The following SFPQ variants were observed in gnomAD, a reference collection of about 807,000 sequenced individuals.
The protein encoded by SFPQ is splicing factor proline and glutamine rich.
A neutral mutation model predicts 72.9 loss-of-function variants in SFPQ; 11 were observed. The observed-to-expected ratio is 0.15, with a 90% CI of 0.09 to 0.25. The LOEUF is 0.25. SFPQ is among the 10% of genes least tolerant of loss of function. SFPQ has a pLI of 1.00. For missense variants in SFPQ, 847 were observed against 993.3 expected (o/e 0.85, Z 1.98); for synonymous variants, 506 against 367.3 (o/e 1.38, Z -4.32).
chr1:35,192,097 G>A, intron 1 of SFPQ, 125 bp downstream of exon 1: 1 of 767,924 alleles, frequency 1.3e-6, no homozygotes, highest in Non-Finnish European at 1.8e-6. Context: ...CCCCGCCCCC[G>A]CAGCGGCGCG....
downstream of SFPQ, chr1:35,182,318 C>T: frequency 1.0e-6 from 1 of 985,306 alleles, no homozygotes; most frequent in Non-Finnish European, 1.2e-6. Flanking sequence ...TACAGAAAAT[C>T]TCTTATGTAT....
chr1:35,186,014 A>C (rs1470208974), intron 9 of SFPQ, among the ~76,000 whole-genome samples: 3 of 152,250 alleles, frequency 2.0e-5, no homozygotes, highest in East Asian at 3.8e-4. Flanking sequence ...AAATCTAAAG[A>C]AAGCCCATAG....
Position 35,192,228 on chromosome 1 carries a change from G to A in SFPQ, c.822C>T (p.Asp274=). 6.9e-7 allele frequency: 1 copy of A among 1,459,680 alleles called. No individual in the cohort carries two copies. Among genetic ancestry groups the A allele is most frequent in the South Asian group, 1.3e-5 (1 of 76,588 alleles). 90.4% of individuals were successfully genotyped at this position (1,459,680 alleles called of 1,614,324 possible). Residue 274 remains aspartate, a synonymous_variant, in exon 1 of 10, where the codon GAC becomes GAT. Transcript: ENST00000357214. ...PGGRSEEKIS[D]SEGFKANLSL... The stretch of plus-strand genomic sequence containing the variant: ...CGCTCCCATAGACACTCACCTCCGA[G>A]TCCGAGATCTTCTCCTCGCTGCGGC...
At chr1:35,179,042 CCT>C, downstream of SFPQ, 3 of 1,058,898 alleles carry the variant, frequency 2.8e-6, no homozygotes, top group East Asian at 1.6e-4. Context: ...GCAGTCAAAT[CCT>C]CTGAATTCTT....
Position 35,189,039 on chromosome 1 carries a change from T to C in SFPQ, c.1661A>G (p.Asn554Ser), listed in dbSNP as rs543947130. Residue 554 changes from asparagine (N) to serine (S), a missense_variant, in exon 6 of 10, where the codon AAT becomes AGT. Coordinates refer to ENST00000357214, the MANE Select transcript of SFPQ (RefSeq NM_005066.3). ...EELRRMEELH[N>S]QEMQKRKEMQ... Reference sequence around the variant, plus strand: ...TTCTTTACGTTTCTGCATTTCTTGATTGTGAAGTTCTTCCATGCGTCTTAA... The same window carrying C: ...TTCTTTACGTTTCTGCATTTCTTGACTGTGAAGTTCTTCCATGCGTCTTAA... The C allele has an allele frequency of 6.2e-6, 10 of 1,612,722 alleles. No individual in the cohort carries two copies. The South Asian group carries it at 8.8e-5, about 14-fold the overall frequency.
chr1:35,179,921 CA>C (rs1639397318), downstream of SFPQ: 4 of 1,054,848 alleles, frequency 3.8e-6, no homozygotes, highest in African/African-American at 6.6e-5. Flanking sequence ...TAGTGATACT[CA>C]TGTCACTAAT....
At chr1:35,180,288 A>G, downstream of SFPQ, 6 of 1,047,972 alleles carry the variant, frequency 5.7e-6, no homozygotes, top group Non-Finnish European at 6.9e-6. Flanking sequence ...GTTGATGCAA[A>G]GTCCTAAGCA....
chr1:35,188,453 T>C (rs1241134534), intron 6 of SFPQ, among the ~76,000 whole-genome samples: 1 of 152,134 alleles, frequency 6.6e-6, no homozygotes, highest in African/African-American at 2.4e-5. Flanking sequence ...ATCTCAGTAC[T>C]TTAGGAGGCC....
chr1:35,193,083 A>C lies in SFPQ; in HGVS notation c.-34T>G. On this transcript the variant is annotated 5_prime_UTR_variant, in exon 1 of 10. Coordinates refer to ENST00000357214, the MANE Select transcript of SFPQ (RefSeq NM_005066.3). Reference sequence around the variant, plus strand: ...TCAAGGGGCGGTCGAGGCAAAAGCGAAGAAGACGCTCAGGAAACGTGGAGG... The same window carrying C: ...TCAAGGGGCGGTCGAGGCAAAAGCGCAGAAGACGCTCAGGAAACGTGGAGG... The C allele has an allele frequency of 6.6e-7, 1 of 1,515,898 alleles. No individual in the cohort carries two copies. The highest frequency in any genetic ancestry group is 8.7e-7 in the Non-Finnish European group (1 of 1,142,972). 93.9% of individuals were successfully genotyped at this position (1,515,898 alleles called of 1,614,324 possible).
At chr1:35,191,635 G>A (rs1640001568) in intron 1 of SFPQ, 106 bp from the exon 2 acceptor site, 2 of 830,922 alleles carry the variant, frequency 2.4e-6, no homozygotes, top group Middle Eastern at 2.6e-4. Context: ...TTTCTGTTCC[G>A]TTTGGTCAAA....
downstream of SFPQ, chr1:35,182,855 A>C (rs544014941): frequency 1.4e-4 from 143 of 1,046,542 alleles, no homozygotes; most frequent in Non-Finnish European, 1.5e-4. Flanking sequence ...AACAATAAAC[A>C]ATCTACTTTA....
In SFPQ at chr1:35,183,567, A is replaced by G. The variant is rs1639571971; in HGVS notation, c.*889T>C. The G allele has an allele frequency of 3.9e-6, 4 of 1,019,364 alleles. No individual in the cohort carries two copies. The South Asian group carries it at 1.4e-4, about 35-fold the overall frequency. The allele number at this position is 1,019,364 out of a possible 1,614,324, so 63.1% of individuals were successfully genotyped here. A position where few individuals can be genotyped will look rare whatever the true frequency, so the allele number is the denominator to read the frequency against. On this transcript the variant is annotated 3_prime_UTR_variant, in exon 10 of 10. Transcript: ENST00000357214. ...AGTTTTGTTTTTTAGACTACACCCC[A>G]TCTTTATAAATCACTTGAATACATG...
downstream of SFPQ, chr1:35,180,871 A>G: frequency 1.0e-6 from 1 of 985,432 alleles, no homozygotes. Flanking sequence ...GTTACAATGC[A>G]ACTAAAGGAA....
chr1:35,184,436 T>C lies in SFPQ; in HGVS notation c.*20A>G, dbSNP rs762835711. ...AACAAAAAAACAAAACAAACTGGAA[T>C]GAAAGCCTAAATATCACATCTAAAA... On this transcript the variant is annotated 3_prime_UTR_variant, in exon 10 of 10. Transcript: ENST00000357214. The C allele has an allele frequency of 8.1e-6, 13 of 1,598,362 alleles. No individual in the cohort carries two copies. In the South Asian group the frequency reaches 1.0e-4, roughly 13 times the overall value.
Position 35,192,481 on chromosome 1 carries a change from G to A in SFPQ, c.569C>T (p.Ala190Val), listed in dbSNP as rs932855994. 2.3e-6 allele frequency: 3 copies of A among 1,330,718 alleles called. No individual in the cohort carries two copies. The highest frequency in any genetic ancestry group is 2.9e-6 in the Non-Finnish European group (3 of 1,047,652). 82.4% of individuals were successfully genotyped at this position (1,330,718 alleles called of 1,614,324 possible). ...QAGGPPPPPA[A>V]VPGPGPGPKQ... ...AGGCCCTGGACCCGGGCCCGGGACT[G>A]CCGCGGGCGGAGGCGGCGGGCCTCC... The change falls in exon 1 of 10, where the codon GCA becomes GTA. Residue 190 changes from alanine to valine, a missense_variant. Ala to Val is a moderately conservative substitution (Grantham distance 64). This residue lies in a region of SFPQ where 498 missense variants were observed against 405.1 expected (regional missense o/e 1.23). Transcript: ENST00000357214.
At chr1:35,191,569 T>C in intron 1 of SFPQ, 40 bp from the exon 2 acceptor site, 1 of 1,485,802 alleles carries the variant, frequency 6.7e-7, no homozygotes, top group Non-Finnish European at 9.3e-7. Flanking sequence ...ACCAGAGACC[T>C]CTGCAAGTGA....
rs185469006 is a variant in SFPQ, at chr1:35,183,507, G to A, written c.*949C>T. 9.3e-4 allele frequency: 933 copies of A among 1,004,140 alleles called. 5 individuals are homozygous for A. The African/African-American group carries it at 0.01, about 11-fold the overall frequency. 62.2% of individuals were successfully genotyped at this position (1,004,140 alleles called of 1,614,324 possible). A position where few individuals can be genotyped will look rare whatever the true frequency, so the allele number is the denominator to read the frequency against. ...GCTGGGATTACAGGCGTGAGCCACC[G>A]CGCCCGGCCCAGTTACTAAACCTTC... On this transcript the variant is annotated 3_prime_UTR_variant, in exon 10 of 10. Coordinates refer to ENST00000357214, the MANE Select transcript of SFPQ (RefSeq NM_005066.3).
intron 3 of SFPQ, 40 bp downstream of exon 3, chr1:35,190,654 T>A: frequency 6.2e-7 from 1 of 1,609,732 alleles, no homozygotes; most frequent in Non-Finnish European, 8.5e-7. Context: ...CATTCTCATA[T>A]AAGTTGATAG....
Position 35,190,548 on chromosome 1 carries a change from A to T in SFPQ, c.1365T>A (p.Asp455Glu), listed in dbSNP as rs759923381. The T allele has an allele frequency of 6.8e-6, 11 of 1,613,904 alleles. No homozygotes were observed. The highest frequency in any genetic ancestry group is 9.3e-6 in the Non-Finnish European group (11 of 1,179,938). Reference protein sequence around the residue: ...VIVEPLEQLDDEDGLPEKLAQ... With the variant: ...VIVEPLEQLDEEDGLPEKLAQ... ...CAAGTTTTTCAGGAAGACCATCTTC[A>T]TCATCTAGTTGTTCAAGTGGTTCCA... The change falls in exon 4 of 10, where the codon GAT (aspartate) becomes GAA (glutamate). Residue 455 changes from aspartate to glutamate, a missense_variant. By Grantham distance (45) the Asp-to-Glu change is conservative. Coordinates refer to ENST00000357214, the MANE Select transcript of SFPQ (RefSeq NM_005066.3).
Sources: gnomAD v4.1 joint callset for allele counts (sites outside exome capture counted in the v4.1 genomes callset) on GRCh38, gnomAD v4.1.1 for gene constraint, gnomAD v4.1.1 regional missense constraint, MANE v1.5 for transcripts, NCBI Gene and HGNC (gene_info 2026-07-23, HGNC 2026-07-21) for gene names.